The following CNTNAP2 variants were observed in gnomAD, a reference collection of about 807,000 sequenced individuals.
CNTNAP2 encodes contactin-associated protein-like 2.
CNTNAP2 carries 98 observed loss-of-function variants against 155.2 expected under a neutral mutation model. The observed-to-expected ratio is 0.63, with a 90% confidence interval of 0.54 to 0.75. CNTNAP2 has a LOEUF of 0.75. Ranked by LOEUF, CNTNAP2 falls within the 30% of genes least tolerant of loss-of-function variation. The probability of loss-of-function intolerance (pLI) is 0.00; values close to 1 mark genes in which losing one functional copy is unlikely to be tolerated. For missense variants in CNTNAP2, 1,727 were observed against 1,688.1 expected (o/e 1.02, Z -0.40); for synonymous variants, 651 against 631.2 (o/e 1.03, Z -0.47).
chr7:147,153,583 GA>G (rs1361620228), intron 8 of CNTNAP2, among the ~76,000 whole-genome samples: 3 of 152,158 alleles, frequency 2.0e-5, no homozygotes, highest in African/African-American at 7.2e-5. Context: ...ATAGGAGCCT[GA>G]CTTAAGTGTT....
intron 3 of CNTNAP2, among the ~76,000 whole-genome samples, chr7:146,868,649 A>G (rs563590912): frequency 6.6e-6 from 1 of 152,272 alleles, no homozygotes; most frequent in South Asian, 2.1e-4. Context: ...ATCCATGAGC[A>G]TGGGAGGTTT....
intron 10 of CNTNAP2, among the ~76,000 whole-genome samples, chr7:147,437,198 A>G (rs1474086607): frequency 6.6e-6 from 1 of 152,108 alleles, no homozygotes; most frequent in Non-Finnish European, 1.5e-5. Flanking sequence ...TCTAATTCCT[A>G]CATTTATGAT....
chr7:147,993,285 A>G (rs1038626928), intron 15 of CNTNAP2, among the ~76,000 whole-genome samples: 3 of 152,236 alleles, frequency 2.0e-5, no homozygotes, highest in Non-Finnish European at 4.4e-5. Context: ...TGACCTGAAC[A>G]TTAGAGCCAA....
intron 1 of CNTNAP2, among the ~76,000 whole-genome samples, chr7:146,134,577 T>C (rs1797769204): frequency 6.6e-6 from 1 of 150,600 alleles, no homozygotes; most frequent in Admixed American, 6.6e-5. Flanking sequence ...TATTTTGAAA[T>C]ATGTCCCATC....
chr7:147,829,857 G>A (rs1798519891), intron 13 of CNTNAP2, among the ~76,000 whole-genome samples: 1 of 151,968 alleles, frequency 6.6e-6, no homozygotes, highest in Non-Finnish European at 1.5e-5. Context: ...GAGCAGCGAG[G>A]GGGGCCACAT....
chr7:146,438,027 G>T (rs1796268026), intron 1 of CNTNAP2, among the ~76,000 whole-genome samples: 1 of 151,340 alleles, frequency 6.6e-6, no homozygotes, highest in Admixed American at 6.6e-5. Context: ...CCCATGATGG[G>T]GACATAGGGT....
chr7:147,122,607 A>G (rs1411010912), intron 6 of CNTNAP2: 1 of 152,214 alleles, frequency 6.6e-6, no homozygotes, highest in Admixed American at 6.5e-5. Flanking sequence ...TGTCTTAATC[A>G]GAGTAATGAG....
At chr7:147,041,497 A>G (rs1799259024) in intron 3 of CNTNAP2, among the ~76,000 whole-genome samples, 1 of 152,164 alleles carries the variant, frequency 6.6e-6, no homozygotes, top group Non-Finnish European at 1.5e-5. Flanking sequence ...ATTCTTCAAT[A>G]TATCCTAGCC....
At chr7:147,682,103 A>G (rs1402216739) in intron 13 of CNTNAP2, among the ~76,000 whole-genome samples, 1 of 151,656 alleles carries the variant, frequency 6.6e-6, no homozygotes, top group Non-Finnish European at 1.5e-5. Context: ...GAGTGGGGAA[A>G]GACCTGTAAG....
chr7:147,583,862 G>A (rs1479772037), intron 12 of CNTNAP2, among the ~76,000 whole-genome samples: 5 of 151,864 alleles, frequency 3.3e-5, no homozygotes, highest in Admixed American at 6.6e-5. Context: ...TCTTACTATC[G>A]GTAGCATCTC....
At chr7:146,684,639 C>CAAAAAA (rs3080477) in intron 1 of CNTNAP2, among the ~76,000 whole-genome samples, 2,593 of 63,408 alleles carry the variant, frequency 0.041, 480 homozygotes, top group African/African-American at 0.12. Flanking sequence ...AGATCCAGCG[C>CAAAAAA]AAAAAAAAAA....
chr7:148,185,707 A>T (rs997659369), intron 18 of CNTNAP2, among the ~76,000 whole-genome samples: 3 of 152,232 alleles, frequency 2.0e-5, no homozygotes, highest in Non-Finnish European at 4.4e-5. Flanking sequence ...AAGTAATTTG[A>T]TTTAAATCCC....
At chr7:147,367,574 A>T (rs1012686519) in intron 9 of CNTNAP2, among the ~76,000 whole-genome samples, 4 of 152,188 alleles carry the variant, frequency 2.6e-5, no homozygotes, top group African/African-American at 9.6e-5. Flanking sequence ...AGCAGGAAGA[A>T]AGATTGTCCC....
chr7:147,089,369 TA>T (rs1252260001), intron 4 of CNTNAP2, among the ~76,000 whole-genome samples: 2 of 152,194 alleles, frequency 1.3e-5, no homozygotes, highest in African/African-American at 4.8e-5. Flanking sequence ...ATGCTATGTA[TA>T]AAACCTTTAT....
chr7:147,906,957 C>T (rs1036811923), intron 14 of CNTNAP2, among the ~76,000 whole-genome samples: 1 of 152,148 alleles, frequency 6.6e-6, no homozygotes, highest in Non-Finnish European at 1.5e-5. Context: ...TCTCTTCTGG[C>T]TTAGCAGCAG....
chr7:147,300,013 T>C (rs1794912193), intron 8 of CNTNAP2, 128 bp from the exon 9 acceptor site: 2 of 968,504 alleles, frequency 2.1e-6, no homozygotes, highest in Non-Finnish European at 3.1e-6. Flanking sequence ...CAGTTTGAAT[T>C]GTAAGCAGCA....
chr7:147,988,110 C>T (rs918387828), intron 15 of CNTNAP2, among the ~76,000 whole-genome samples: 4 of 152,054 alleles, frequency 2.6e-5, no homozygotes, highest in Non-Finnish European at 5.9e-5. Flanking sequence ...GGTAGGGGTT[C>T]CAGGCTATAG....
chr7:147,164,510 A>G (rs1008165800), intron 8 of CNTNAP2, among the ~76,000 whole-genome samples: 1 of 152,226 alleles, frequency 6.6e-6, no homozygotes, highest in Non-Finnish European at 1.5e-5. Context: ...ACAATTGTAC[A>G]TATTTATGGA....
chr7:147,753,142 CTTTAA>C (rs1254741255), intron 13 of CNTNAP2, among the ~76,000 whole-genome samples: 2 of 152,184 alleles, frequency 1.3e-5, no homozygotes, highest in Admixed American at 1.3e-4. Flanking sequence ...TGAACCTAGT[CTTTAA>C]TTTATTTCTA....
Sources: allele counts gnomAD v4.1 joint callset (sites outside exome capture counted in the v4.1 genomes callset), GRCh38; gene constraint gnomAD v4.1.1; transcripts MANE v1.5; gene names NCBI Gene and HGNC (gene_info 2026-07-23, HGNC 2026-07-21).